The following LRRC43 variants were observed in gnomAD, a reference collection of about 807,000 sequenced individuals.
LRRC43 encodes the protein leucine-rich repeat-containing protein 43.
A neutral mutation model predicts 64.3 loss-of-function variants in LRRC43; 62 were observed. The ratio of observed to expected loss-of-function variants is 0.96; its 90% CI spans 0.79 to 1.19. The LOEUF is 1.19. LRRC43 is among the 50% of genes most tolerant of loss of function. The probability of loss-of-function intolerance (pLI) is 0.00; values close to 1 mark genes in which losing one functional copy is unlikely to be tolerated. For synonymous variants in LRRC43, 422 were observed against 382.3 expected (o/e 1.10, Z -1.21); for missense variants, 868 against 845.0 (o/e 1.03, Z -0.34).
upstream of LRRC43, chr12:122,182,935 C>T (rs1475520501): frequency 7.2e-6 from 5 of 692,010 alleles, no homozygotes; most frequent in South Asian, 2.1e-5. Context: ...TCAGCTATGG[C>T]GCTTACTGCC....
intron 1 of LRRC43, among the ~76,000 whole-genome samples, chr12:122,176,372 G>A (rs1440816378): frequency 6.6e-6 from 1 of 152,152 alleles, no homozygotes; most frequent in African/African-American, 2.4e-5. Context: ...GAGGGTAGTG[G>A]GGAGGTGGGC....
intron 7 of LRRC43, among the ~76,000 whole-genome samples, chr12:122,195,195 G>T (rs183365532): frequency 6.6e-6 from 1 of 151,742 alleles, no homozygotes; most frequent in Admixed American, 6.6e-5. Context: ...GTTTTGCTGG[G>T]TCTAGAATTG....
chr12:122,191,510 T>A lies in LRRC43; in HGVS notation c.1032T>A (p.Tyr344Ter). 6.2e-7 allele frequency: 1 copy of A among 1,614,092 alleles called. No individual in the cohort carries two copies. The highest frequency in any genetic ancestry group is 8.5e-7 in the Non-Finnish European group (1 of 1,180,018). The change falls in exon 6 of 12, where the codon TAT (tyrosine) becomes TAA (stop). Residue 344 changes from tyrosine (Y) to a stop codon, truncating the protein, a stop_gained. Coordinates refer to ENST00000339777, the MANE Select transcript of LRRC43 (RefSeq NM_001098519.2). LOFTEE classifies it high-confidence loss of function. ...TCACTTACAACTATTACGTGACCTA[T>A]GATTTTGTGAAAGATGAAGAAGGCG... Reference protein sequence around the residue: ...PFITYNYYVTYDFVKDEEGEM... With the variant: ...PFITYNYYVT
At position 122,200,157 on chromosome 12, in the gene LRRC43, G is replaced by C. The variant is rs747548268; in HGVS notation, c.1350-32G>C. 1 of 1,603,112 alleles carries C rather than the reference G, an allele frequency of 6.2e-7. No individual in the cohort carries two copies. The highest frequency in any genetic ancestry group is 8.5e-7 in the Non-Finnish European group (1 of 1,174,462). On this transcript the variant is annotated intron_variant, in intron 7 of 11. Coordinates refer to ENST00000339777, the MANE Select transcript of LRRC43 (RefSeq NM_001098519.2). The surrounding 1 kb of genome is among the most constrained non-coding windows in gnomAD (Gnocchi z 4.6). ...TCCCTGGCCACAGCCCCTGGGTGACGGCACCCCCGTCTTCATCCCTCCCTC... is the reference window on the plus strand; with the variant it reads ...TCCCTGGCCACAGCCCCTGGGTGACCGCACCCCCGTCTTCATCCCTCCCTC...
At chr12:122,174,986 C>G (rs928639673) in intron 1 of LRRC43, among the ~76,000 whole-genome samples, 1 of 151,628 alleles carries the variant, frequency 6.6e-6, no homozygotes, top group Non-Finnish European at 1.5e-5. Flanking sequence ...ACTACAGGCA[C>G]GTGCCACCAT....
chr12:122,188,813 G>T (rs1194277397), intron 4 of LRRC43, among the ~76,000 whole-genome samples: 1 of 152,198 alleles, frequency 6.6e-6, no homozygotes, highest in Admixed American at 6.5e-5. Context: ...CCTTTGATGT[G>T]GGGCTGTCCT....
At position 122,200,710 on chromosome 12, in the gene LRRC43, A is replaced by C. The variant is rs1953827091; in HGVS notation, c.1621-36A>C. On this transcript the variant is annotated intron_variant, in intron 9 of 11. Coordinates refer to ENST00000339777, the MANE Select transcript of LRRC43 (RefSeq NM_001098519.2). The surrounding 1 kb of genome is among the most constrained non-coding windows in gnomAD (Gnocchi z 4.6). ...GGCAGCCTGGCCACACCCTTGCTTC[A>C]ACTTGTCCCACCCTCCTGTCCTCCC... 2 of 1,613,044 alleles carry C rather than the reference A, an allele frequency of 1.2e-6. No homozygotes were observed. The highest frequency in any genetic ancestry group is 1.3e-5 in the African/African-American group (1 of 74,876).
upstream of LRRC43, among the ~76,000 whole-genome samples, chr12:122,178,801 G>GT (rs1324187857): frequency 6.6e-6 from 1 of 151,846 alleles, no homozygotes; most frequent in Admixed American, 6.6e-5. Context: ...TAGAGATGGG[G>GT]TTTTTTCATG....
At chr12:122,169,682 C>T (rs948379375) in intron 1 of LRRC43, among the ~76,000 whole-genome samples, 1 of 137,628 alleles carries the variant, frequency 7.3e-6, no homozygotes, top group Admixed American at 7.8e-5. Context: ...TGCCACTGCA[C>T]TCCAGCCTGG....
rs553482709 is a variant in LRRC43 at position 122,173,107 on chromosome 12, G to A, written c.-406+5325G>A. Among the ~76,000 whole-genome samples the A allele has an allele frequency of 4.2e-4, 64 of 152,270 alleles. 1 individual carries two copies. The South Asian group carries it at 0.011, about 26-fold the overall frequency. ...ACGCACGCTCCACTTATAAAGGAGAGTGTTAGGCTTGTCCGGAAAGGCCTC... is the reference window on the plus strand; with the variant it reads ...ACGCACGCTCCACTTATAAAGGAGAATGTTAGGCTTGTCCGGAAAGGCCTC... On this transcript the variant is annotated intron_variant, in intron 1 of 5. Transcript: ENST00000537729.
At position 122,200,531 on chromosome 12, in the gene LRRC43, G is replaced by A; in HGVS notation, c.1492-1G>A. 6.2e-7 allele frequency: 1 copy of A among 1,614,118 alleles called. No individual in the cohort carries two copies. Among genetic ancestry groups the A allele is most frequent in the Non-Finnish European group, 8.5e-7 (1 of 1,180,032 alleles). ...ACTCGAGGATTCTCTCCTGCCCCTA[G>A]ATTCTCTCCTGGCCTGTGGTGCTAC... On this transcript the variant is annotated splice_acceptor_variant, in intron 8 of 11. Coordinates refer to ENST00000339777, the MANE Select transcript of LRRC43 (RefSeq NM_001098519.2). LOFTEE classifies it high-confidence loss of function. This position sits in a 1 kb window ranked among gnomAD's most constrained non-coding sequence, Gnocchi z 4.6.
chr12:122,193,558 C>T (rs1294737601), intron 7 of LRRC43, among the ~76,000 whole-genome samples: 1 of 152,016 alleles, frequency 6.6e-6, no homozygotes, highest in African/African-American at 2.4e-5. Context: ...CCAAGATTTT[C>T]GGAATGATTG....
In LRRC43 at chr12:122,183,231, G is replaced by T. The variant is rs1953601141; in HGVS notation, c.87G>T (p.Ala29=). The change falls in exon 1 of 12, where the codon GCG becomes GCT. Residue 29 remains alanine (A), a synonymous_variant. Coordinates refer to ENST00000339777, the MANE Select transcript of LRRC43 (RefSeq NM_001098519.2). ...TQRPGTGTVS[A]AVREHLRKLC... Reference sequence around the variant, plus strand: ...GGCCCGGGACCGGGACCGTGAGCGCGGCCGTGCGCGAGCACTTGCGGAAGC... The same window carrying T: ...GGCCCGGGACCGGGACCGTGAGCGCTGCCGTGCGCGAGCACTTGCGGAAGC... 1 of 1,568,478 alleles carries T rather than the reference G, an allele frequency of 6.4e-7. No individual in the cohort carries two copies. Among genetic ancestry groups the T allele is most frequent in the Non-Finnish European group, 8.6e-7 (1 of 1,166,738 alleles).
At chr12:122,181,542 CAAA>C (rs1397476855), upstream of LRRC43, among the ~76,000 whole-genome samples, 1 of 85,920 alleles carries the variant, frequency 1.2e-5, no homozygotes. Flanking sequence ...GACTCCGTCT[CAAA>C]AAAAAAAAAA....
Position 122,187,830 on chromosome 12 carries a change from G to A in LRRC43, c.652G>A (p.Ala218Thr), listed in dbSNP as rs114611063. The change falls in exon 4 of 12, where the codon GCT becomes ACT. Residue 218 changes from alanine to threonine, a missense_variant. Ala to Thr is a moderately conservative substitution (Grantham distance 58). Transcript: ENST00000339777. ...LGPLESLYVT[A>T]NHWPNLVSLD... The stretch of plus-strand genomic sequence containing the variant: ...CCCCTTGGAAAGTCTCTACGTCACC[G>A]CTAATCACTGGTAACTCGGGAGCCC... 4,452 of 1,613,932 alleles carry A rather than the reference G, an allele frequency of 2.8e-3. 83 individuals carry two copies. The African/African-American group carries it at 0.053, about 19-fold the overall frequency.
chr12:122,202,794 T>G (rs2136068174), intron 11 of LRRC43, among the ~76,000 whole-genome samples: 1 of 152,326 alleles, frequency 6.6e-6, no homozygotes, highest in African/African-American at 2.4e-5. Context: ...TACTTCATTT[T>G]TAAGAAAATA....
At chr12:122,198,859 C>T (rs1323979892) in intron 7 of LRRC43, among the ~76,000 whole-genome samples, 1 of 151,950 alleles carries the variant, frequency 6.6e-6, no homozygotes, top group African/African-American at 2.4e-5. Context: ...TTTTGAACTC[C>T]TGGCCTCAAG....
rs371647059 is a variant in LRRC43, at chr12:122,200,340, C to T, written c.1491+10C>T. ...CATCGTGGAGGAGAAGGTGGGCAGGCGGAGGCAGTGCCCGGCCATCCACAG... is the reference window on the plus strand; with the variant it reads ...CATCGTGGAGGAGAAGGTGGGCAGGTGGAGGCAGTGCCCGGCCATCCACAG... On this transcript the variant is annotated intron_variant, in intron 8 of 11. Transcript: ENST00000339777. The surrounding 1 kb of genome is among the most constrained non-coding windows in gnomAD (Gnocchi z 4.6). The T allele has an allele frequency of 4.4e-5, 71 of 1,609,222 alleles. No homozygotes were observed. Among genetic ancestry groups the T allele is most frequent in the Non-Finnish European group, 5.5e-5 (65 of 1,179,442 alleles).
At chr12:122,172,000 G>A (rs1333547446) in intron 1 of LRRC43, 1 of 167,280 alleles carries the variant, frequency 6.0e-6, no homozygotes, top group Non-Finnish European at 1.3e-5. Context: ...ATTTGCCAAT[G>A]TCAAGCCCCT....
Sources: gnomAD v4.1 joint callset for allele counts (sites outside exome capture counted in the v4.1 genomes callset) on GRCh38, gnomAD v4.1.1 for gene constraint, Gnocchi (gnomAD v3.1) non-coding constraint, MANE v1.5 for transcripts, NCBI Gene and HGNC (gene_info 2026-07-23, HGNC 2026-07-21) for gene names.